Variants in MARCHF6 observed in about 807,000 individuals in gnomAD.
MARCHF6 encodes the protein membrane associated ring-CH-type finger 6.
MARCHF6 carries 31 observed loss-of-function variants against 133.7 expected under a neutral mutation model. That is an observed-to-expected ratio of 0.23 (90% CI 0.17 to 0.31). The LOEUF is 0.31. MARCHF6 is among the 10% of genes least tolerant of loss of function. The pLI, the probability that MARCHF6 is intolerant of heterozygous loss-of-function variation, is 1.00. For synonymous variants in MARCHF6, 395 were observed against 402.5 expected (o/e 0.98, Z 0.22); for missense variants, 723 against 1,121.6 (o/e 0.64, Z 5.08).
chr5:10,399,035 C>A (rs1055970562), intron 10 of MARCHF6, among the ~76,000 whole-genome samples: 10 of 152,116 alleles, frequency 6.6e-5, no homozygotes, highest in African/African-American at 2.4e-4. Flanking sequence ...AGGTGACAAT[C>A]CTGAGAAATT....
At chr5:10,400,688 T>TC (rs1738476268) in intron 10 of MARCHF6, 96 bp from the exon 11 acceptor site, 2 of 875,390 alleles carry the variant, frequency 2.3e-6, no homozygotes, top group African/African-American at 3.4e-5. Context: ...CTTTCATTTC[T>TC]CCAAGAAGCC....
At chr5:10,369,605 C>CT (rs1476922810) in intron 1 of MARCHF6, among the ~76,000 whole-genome samples, 2 of 8,332 alleles carry the variant, frequency 2.4e-4, no homozygotes, top group South Asian at 3.1e-3. Flanking sequence ...GTTCCATTAC[C>CT]CCCCCCCCCC....
At chr5:10,357,625 A>G (rs1735557286) in intron 1 of MARCHF6, among the ~76,000 whole-genome samples, 1 of 152,208 alleles carries the variant, frequency 6.6e-6, no homozygotes, top group Non-Finnish European at 1.5e-5. Flanking sequence ...CTCTCTTTCT[A>G]GACCCACACA....
intron 1 of MARCHF6, among the ~76,000 whole-genome samples, chr5:10,359,759 C>T (rs573997894): frequency 4.6e-5 from 7 of 152,170 alleles, no homozygotes; most frequent in Non-Finnish European, 8.8e-5. Flanking sequence ...AATCCCAGCA[C>T]TTTCGGAGGC....
chr5:10,392,027 C>T (rs1015966970), intron 7 of MARCHF6, among the ~76,000 whole-genome samples: 12 of 150,024 alleles, frequency 8.0e-5, no homozygotes, highest in East Asian at 2.0e-4. Context: ...GGCGCTATCT[C>T]GGCTCACTGC....
intron 6 of MARCHF6, 123 bp downstream of exon 6, chr5:10,390,623 G>A: frequency 1.0e-6 from 1 of 963,572 alleles, no homozygotes; most frequent in Non-Finnish European, 1.5e-6. Flanking sequence ...TTACAAAGGA[G>A]GGCAGCGGAA....
rs201911419 is a variant in MARCHF6, at chr5:10,394,799, ATTT to A, written c.861+30_861+32del. 1.4e-3 allele frequency: 1,668 copies of A among 1,232,372 alleles called. No homozygotes were observed. Among genetic ancestry groups the A allele is most frequent in the Admixed American group, 2.3e-3 (95 of 41,876 alleles). The allele number at this position is 1,232,372 out of a possible 1,614,324, so 76.3% of individuals were successfully genotyped here. On this transcript the variant is annotated intron_variant, in intron 9 of 25. Transcript: ENST00000274140. ...CTAGTTTTTCTGGTAAGTAAAACTA[ATTT>A]TTTTTTTTTTTTTTTGAGACGGAAT... is the stretch of plus-strand genomic sequence containing the variant.
chr5:10,354,089 G>GC (rs1302807223), intron 1 of MARCHF6, 172 bp downstream of exon 1: 3 of 506,194 alleles, frequency 5.9e-6, no homozygotes, highest in East Asian at 3.9e-5. Flanking sequence ...CCCTCTGCGC[G>GC]CCCCCCGCCG....
intron 4 of MARCHF6, 54 bp downstream of exon 4, chr5:10,381,997 T>A: frequency 1.3e-6 from 2 of 1,494,308 alleles, no homozygotes; most frequent in Non-Finnish European, 1.8e-6. Context: ...AACTACTTAA[T>A]ATTATAAAGC....
At chr5:10,365,404 G>A (rs1031155559) in intron 1 of MARCHF6, among the ~76,000 whole-genome samples, 2 of 151,930 alleles carry the variant, frequency 1.3e-5, no homozygotes, top group East Asian at 1.9e-4. Context: ...GGGTTCAAGC[G>A]ATTCTCCTGC....
chr5:10,360,076 G>C (rs1344008493), intron 1 of MARCHF6, among the ~76,000 whole-genome samples: 2 of 151,208 alleles, frequency 1.3e-5, no homozygotes, highest in African/African-American at 4.9e-5. Flanking sequence ...AAGGCTTCTG[G>C]TCACCAGTAG....
intron 1 of MARCHF6, among the ~76,000 whole-genome samples, chr5:10,362,365 A>G (rs1286935535): frequency 1.3e-5 from 2 of 152,168 alleles, no homozygotes; most frequent in African/African-American, 4.8e-5. Flanking sequence ...AGGCATTTCT[A>G]TTGAATGGAA....
At chr5:10,395,024 C>T (rs1023310091) in intron 9 of MARCHF6, among the ~76,000 whole-genome samples, 1 of 152,174 alleles carries the variant, frequency 6.6e-6, no homozygotes, top group Admixed American at 6.5e-5. Context: ...TGGTCTCGAT[C>T]TCCTGACCTC....
At chr5:10,392,913 T>C (rs184675784) in intron 7 of MARCHF6, among the ~76,000 whole-genome samples, 197 of 152,352 alleles carry the variant, frequency 1.3e-3, no homozygotes, top group African/African-American at 4.4e-3. Context: ...TCACGTACTC[T>C]GTTAGACACT....
At chr5:10,421,727 G>A (rs895101930) in intron 22 of MARCHF6, among the ~76,000 whole-genome samples, 1 of 152,198 alleles carries the variant, frequency 6.6e-6, no homozygotes, top group Non-Finnish European at 1.5e-5. Flanking sequence ...AGAGAAAGCT[G>A]AATTGGTGGG....
intron 1 of MARCHF6, among the ~76,000 whole-genome samples, chr5:10,372,554 G>C (rs901956982): frequency 6.6e-6 from 1 of 151,762 alleles, no homozygotes; most frequent in Non-Finnish European, 1.5e-5. Context: ...GACCTAACCT[G>C]TCATTGTTTT....
intron 4 of MARCHF6, among the ~76,000 whole-genome samples, chr5:10,385,026 T>C (rs1281749821): frequency 2.0e-5 from 3 of 152,216 alleles, no homozygotes; most frequent in Non-Finnish European, 2.9e-5. Flanking sequence ...AAAAAAGAGC[T>C]AACTATTGTG....
chr5:10,419,626 T>TC (rs1422555084), intron 22 of MARCHF6, among the ~76,000 whole-genome samples: 12 of 151,220 alleles, frequency 7.9e-5, no homozygotes, highest in African/African-American at 2.9e-4. Flanking sequence ...TTTTTTTTTT[T>TC]TTACAGAAAA....
intron 19 of MARCHF6, among the ~76,000 whole-genome samples, chr5:10,412,778 G>T (rs767198579): frequency 6.6e-6 from 1 of 152,152 alleles, no homozygotes; most frequent in Non-Finnish European, 1.5e-5. Flanking sequence ...GTTTTGCTAT[G>T]TAGCCCAGGC....
Sources: allele counts gnomAD v4.1 joint callset (sites outside exome capture counted in the v4.1 genomes callset), GRCh38; gene constraint gnomAD v4.1.1; transcripts MANE v1.5; gene names NCBI Gene and HGNC (gene_info 2026-07-23, HGNC 2026-07-21).